Variants in HS6ST3 observed in about 807,000 individuals in gnomAD.
HS6ST3 encodes heparan sulfate 6-O-sulfotransferase 3.
A neutral mutation model predicts 36.7 loss-of-function variants in HS6ST3; 12 were observed. That is an observed-to-expected ratio of 0.33 (90% confidence interval 0.21 to 0.53). The LOEUF (loss-of-function observed/expected upper bound fraction) is 0.53, where lower values mean the gene tolerates loss of function less well. Among genes scored for constraint, HS6ST3 ranks in the 20% least tolerant of loss-of-function variants. The probability of loss-of-function intolerance (pLI) is 0.95; values close to 1 mark genes in which losing one functional copy is unlikely to be tolerated. For missense variants in HS6ST3, 584 were observed against 640.9 expected, an observed-to-expected ratio of 0.91 and a Z score of 0.96; for synonymous variants, 240 against 257.5, an observed-to-expected ratio of 0.93 and a Z score of 0.65.
intron 1 of HS6ST3, among the ~76,000 whole-genome samples, chr13:96,469,561 A>G (rs2055830731): frequency 6.6e-6 from 1 of 152,184 alleles, no homozygotes; most frequent in Admixed American, 6.6e-5. Context: ...GAGTTTCAGG[A>G]GCAAAAGTAG....
chr13:96,170,496 T>C (rs78056744), intron 1 of HS6ST3, among the ~76,000 whole-genome samples: 3,844 of 152,354 alleles, frequency 0.025, 64 homozygotes, highest in East Asian at 0.055. Context: ...TTAGTGAGCT[T>C]TTCCTGCAGG....
intron 1 of HS6ST3, among the ~76,000 whole-genome samples, chr13:96,169,391 T>C (rs1400830931): frequency 6.6e-6 from 1 of 152,160 alleles, no homozygotes; most frequent in Non-Finnish European, 1.5e-5. Context: ...GTTGTCTTGA[T>C]AGAGTTACGA....
At chr13:96,322,788 T>C (rs1035915007) in intron 1 of HS6ST3, among the ~76,000 whole-genome samples, 4 of 152,212 alleles carry the variant, frequency 2.6e-5, no homozygotes, top group Non-Finnish European at 4.4e-5. Flanking sequence ...TGTCACTCAA[T>C]TGAAACTGTT....
At chr13:96,233,068 A>G (rs2054516080) in intron 1 of HS6ST3, among the ~76,000 whole-genome samples, 1 of 152,212 alleles carries the variant, frequency 6.6e-6, no homozygotes, top group Admixed American at 6.5e-5. Flanking sequence ...CTATTGCATG[A>G]TTGATACATT....
intron 1 of HS6ST3, among the ~76,000 whole-genome samples, chr13:96,231,641 A>C (rs2054508676): frequency 6.6e-6 from 1 of 152,132 alleles, no homozygotes; most frequent in African/African-American, 2.4e-5. Context: ...CACCTCTCAC[A>C]TTGGGATTTA....
intron 1 of HS6ST3, among the ~76,000 whole-genome samples, chr13:96,256,700 C>T (rs1219004011): frequency 1.3e-5 from 2 of 152,110 alleles, no homozygotes; most frequent in African/African-American, 2.4e-5. Flanking sequence ...GATGAAGAGT[C>T]GTAAGGCAAA....
chr13:96,800,959 T>C (rs1878051566), intron 1 of HS6ST3, among the ~76,000 whole-genome samples: 1 of 152,106 alleles, frequency 6.6e-6, no homozygotes, highest in Non-Finnish European at 1.5e-5. Flanking sequence ...AAAAGTGCCA[T>C]TGTCCCCAAT....
intron 1 of HS6ST3, among the ~76,000 whole-genome samples, chr13:96,504,905 A>C (rs1361579559): frequency 6.6e-6 from 1 of 152,186 alleles, no homozygotes; most frequent in Admixed American, 6.6e-5. Flanking sequence ...TAAATGTAAA[A>C]ATAAAATTTA....
intron 1 of HS6ST3, among the ~76,000 whole-genome samples, chr13:96,227,856 C>T (rs949111605): frequency 6.6e-6 from 1 of 152,172 alleles, no homozygotes; most frequent in African/African-American, 2.4e-5. Context: ...CTTTTGAATT[C>T]CAGTTGCTTT....
intron 1 of HS6ST3, among the ~76,000 whole-genome samples, chr13:96,149,803 A>C (rs1307507638): frequency 6.6e-6 from 1 of 152,236 alleles, no homozygotes; most frequent in Non-Finnish European, 1.5e-5. Context: ...ACAGTCATTC[A>C]TTAGCAGCTG....
intron 1 of HS6ST3, among the ~76,000 whole-genome samples, chr13:96,654,520 G>A (rs1195463834): frequency 6.6e-6 from 1 of 152,142 alleles, no homozygotes; most frequent in Non-Finnish European, 1.5e-5. Context: ...GAAGGTTATA[G>A]ATGTGTGGCA....
At chr13:96,676,906 A>G (rs1202950520) in intron 1 of HS6ST3, among the ~76,000 whole-genome samples, 1 of 152,162 alleles carries the variant, frequency 6.6e-6, no homozygotes, top group Non-Finnish European at 1.5e-5. Context: ...GGTAATCAGC[A>G]GGTTTGGAGC....
chr13:96,340,122 G>A (rs2055122762), intron 1 of HS6ST3, among the ~76,000 whole-genome samples: 1 of 152,152 alleles, frequency 6.6e-6, no homozygotes. Context: ...TATTAGGTAT[G>A]TTGGAAATAG....
chr13:96,182,078 G>A (rs1474425386), intron 1 of HS6ST3, among the ~76,000 whole-genome samples: 1 of 152,212 alleles, frequency 6.6e-6, no homozygotes, highest in Non-Finnish European at 1.5e-5. Flanking sequence ...ATGAAATGAT[G>A]TAACTAGTTG....
chr13:96,345,247 A>G (rs1174523090), intron 1 of HS6ST3, among the ~76,000 whole-genome samples: 4 of 152,218 alleles, frequency 2.6e-5, no homozygotes. Flanking sequence ...CCTGAGAAGT[A>G]CAATTGCTTA....
intron 1 of HS6ST3, among the ~76,000 whole-genome samples, chr13:96,354,711 A>G (rs567429452): frequency 3.9e-5 from 6 of 152,118 alleles, no homozygotes; most frequent in Non-Finnish European, 7.4e-5. Flanking sequence ...AGAAAAGATA[A>G]TGTAAGTGTT....
chr13:96,608,514 A>G (rs910627346), intron 1 of HS6ST3, among the ~76,000 whole-genome samples: 5 of 152,236 alleles, frequency 3.3e-5, no homozygotes, highest in African/African-American at 1.2e-4. Flanking sequence ...AAGGCTATTG[A>G]GAGGACAAAG....
chr13:96,246,762 A>C (rs2054586635), intron 1 of HS6ST3, among the ~76,000 whole-genome samples: 1 of 152,160 alleles, frequency 6.6e-6, no homozygotes, highest in African/African-American at 2.4e-5. Context: ...TCCCTAGAGA[A>C]GATCGGATTG....
At chr13:96,285,667 G>A (rs1226008976) in intron 1 of HS6ST3, among the ~76,000 whole-genome samples, 1 of 152,158 alleles carries the variant, frequency 6.6e-6, no homozygotes, top group Non-Finnish European at 1.5e-5. Flanking sequence ...GATATAAGAG[G>A]CGAAGTTTAA....
Sources: allele counts gnomAD v4.1 joint callset (sites outside exome capture counted in the v4.1 genomes callset), GRCh38; gene constraint gnomAD v4.1.1; transcripts MANE v1.5; gene names NCBI Gene and HGNC (gene_info 2026-07-23, HGNC 2026-07-21).